Variants in TOM1L1 observed in about 807,000 individuals in gnomAD.
The protein encoded by TOM1L1 is TOM1-like protein 1.
A neutral mutation model predicts 63.4 loss-of-function variants in TOM1L1; 64 were observed. The ratio of observed to expected loss-of-function variants is 1.01; its 90% CI spans 0.83 to 1.24. The LOEUF is 1.24. Among genes scored for constraint, TOM1L1 ranks in the 50% most tolerant of loss-of-function variants. The pLI is 0.00. For synonymous variants in TOM1L1, 166 were observed against 194.4 expected (o/e 0.85, Z 1.22); for missense variants, 536 against 567.0 (o/e 0.95, Z 0.55).
At chr17:54,939,706 G>A (rs566950973) in intron 11 of TOM1L1, among the ~76,000 whole-genome samples, 16 of 152,166 alleles carry the variant, frequency 1.1e-4, no homozygotes, top group South Asian at 2.1e-4. Flanking sequence ...ACAGGTGTGC[G>A]CCACCATACT....
chr17:54,913,808 G>T lies in TOM1L1; in HGVS notation c.433G>T (p.Asp145Tyr), dbSNP rs1484800503. ...AAGCGAAGTCAAAGAAGTATACCTC[G>T]ACCTGGTTAAGAAAGGCGTTCAGTT... ...DVSEVKEVYL[D>Y]LVKKGVQFPP... The change falls in exon 5 of 16, where the codon GAC becomes TAC. Residue 145 changes from aspartate (D) to tyrosine (Y), a missense_variant. Physicochemically the swap from Asp to Tyr is radical, Grantham distance 160. Coordinates refer to ENST00000575882, the MANE Select transcript of TOM1L1 (RefSeq NM_005486.3). The T allele has an allele frequency of 1.9e-6, 3 of 1,612,040 alleles. No homozygotes were observed. In the South Asian group the frequency reaches 3.3e-5, roughly 18 times the overall value.
At chr17:54,903,962 C>T (rs1420565652) in intron 2 of TOM1L1, among the ~76,000 whole-genome samples, 170 bp downstream of exon 2, 2 of 152,220 alleles carry the variant, frequency 1.3e-5, no homozygotes, top group Non-Finnish European at 2.9e-5. Flanking sequence ...GGGGCAGCTG[C>T]TTGCTTCAAC....
chr17:54,937,480 C>T, intron 10 of TOM1L1: 1 of 453,040 alleles, frequency 2.2e-6, no homozygotes, highest in Non-Finnish European at 4.0e-6. Flanking sequence ...ACCTGGCCTG[C>T]TTTGTAGAAG....
intron 5 of TOM1L1, 57 bp from the exon 6 acceptor site, chr17:54,914,582 G>A (rs2048555551): frequency 7.1e-7 from 1 of 1,411,958 alleles, no homozygotes; most frequent in Non-Finnish European, 1.0e-6. Context: ...GAAAAAACTT[G>A]GCGTTGGGTG....
chr17:54,908,975 C>G (rs1439039343), intron 3 of TOM1L1, among the ~76,000 whole-genome samples: 1 of 152,138 alleles, frequency 6.6e-6, no homozygotes, highest in Non-Finnish European at 1.5e-5. Context: ...AACAAAATAT[C>G]AGGCTGGGTG....
intron 14 of TOM1L1, chr17:54,953,894 T>C (rs1173646486): frequency 6.6e-6 from 1 of 152,136 alleles, no homozygotes; most frequent in East Asian, 1.9e-4. Context: ...GTCATCTGGG[T>C]CCCAAGGGGT....
chr17:54,928,225 C>T (rs12952166), intron 7 of TOM1L1, among the ~76,000 whole-genome samples: 96,845 of 151,966 alleles, frequency 0.64, 31,921 homozygotes, highest in African/African-American at 0.81. Context: ...TAGTGACACC[C>T]TGTCAAGCAC....
intron 3 of TOM1L1, among the ~76,000 whole-genome samples, chr17:54,909,382 G>C (rs1308559954): frequency 1.3e-5 from 2 of 152,198 alleles, no homozygotes; most frequent in African/African-American, 4.8e-5. Flanking sequence ...AGTCACCTTG[G>C]TGTAGGCACT....
chr17:54,944,839 C>A (rs1440746113), intron 11 of TOM1L1, among the ~76,000 whole-genome samples: 1 of 151,830 alleles, frequency 6.6e-6, no homozygotes, highest in Non-Finnish European at 1.5e-5. Context: ...TCTTTTTATC[C>A]AATTTTGAAC....
rs1284439844 is a variant in TOM1L1 at position 54,938,933 on chromosome 17, T to C, written c.1043T>C (p.Leu348Pro). ...NNQLSGLNFS[L>P]PSSDVTNNLK... ...CCATTTTGTGTTTTAGATTTCAGCC[T>C]TCCAAGTTCTGATGTAACAAACAAC... is the stretch of plus-strand genomic sequence containing the variant. Residue 348 changes from leucine (L) to proline (P), a missense_variant, in exon 11 of 16, where the codon CTT becomes CCT. Coordinates refer to ENST00000575882, the MANE Select transcript of TOM1L1 (RefSeq NM_005486.3). 2 of 1,607,922 alleles carry C rather than the reference T, an allele frequency of 1.2e-6. No individual in the cohort carries two copies. The highest frequency in any genetic ancestry group is 8.5e-7 in the Non-Finnish European group (1 of 1,176,728).
At chr17:54,952,865 G>A (rs12936860) in intron 14 of TOM1L1, 31,752 of 152,160 alleles carry the variant, frequency 0.21, 3,881 homozygotes, top group Non-Finnish European at 0.27. Context: ...GAGAAATTGT[G>A]GCTCCAAACT....
intron 7 of TOM1L1, chr17:54,916,808 T>C (rs2048597790): frequency 6.6e-6 from 1 of 152,210 alleles, no homozygotes; most frequent in South Asian, 2.1e-4. Context: ...GTTTTTTCCT[T>C]GCTGCAGTAC....
At chr17:54,943,972 T>C (rs1474133289) in intron 11 of TOM1L1, among the ~76,000 whole-genome samples, 1 of 149,704 alleles carries the variant, frequency 6.7e-6, no homozygotes, top group African/African-American at 2.5e-5. Context: ...AAAGAGACTC[T>C]GTCTCAAATA....
At chr17:54,902,555 G>C (rs2048344413) in intron 1 of TOM1L1, among the ~76,000 whole-genome samples, 1 of 152,196 alleles carries the variant, frequency 6.6e-6, no homozygotes, top group Non-Finnish European at 1.5e-5. Context: ...CTCCCAAAGT[G>C]ATTGGGATTA....
At chr17:54,946,456 G>A (rs2049120464) in intron 11 of TOM1L1, among the ~76,000 whole-genome samples, 1 of 152,080 alleles carries the variant, frequency 6.6e-6, no homozygotes, top group Non-Finnish European at 1.5e-5. Context: ...AAAAGCTGTG[G>A]GTATCACAGC....
intron 10 of TOM1L1, 69 bp from the exon 11 acceptor site, chr17:54,938,853 TAC>T: frequency 1.3e-6 from 1 of 791,154 alleles, no homozygotes. Context: ...TTTTTGTTTT[TAC>T]TGTAGAAAAT....
At chr17:54,920,938 C>T (rs1001800847) in intron 7 of TOM1L1, among the ~76,000 whole-genome samples, 10 of 143,204 alleles carry the variant, frequency 7.0e-5, no homozygotes, top group African/African-American at 2.7e-4. Context: ...TTCACTCTCT[C>T]CACCAAGAAC....
At chr17:54,904,163 G>A (rs1012757597) in intron 2 of TOM1L1, among the ~76,000 whole-genome samples, 2 of 151,966 alleles carry the variant, frequency 1.3e-5, no homozygotes, top group Non-Finnish European at 2.9e-5. Context: ...GTCGGGAGAT[G>A]GAGACCATCC....
intron 7 of TOM1L1, among the ~76,000 whole-genome samples, chr17:54,919,220 A>G (rs2048641284): frequency 6.6e-6 from 1 of 152,196 alleles, no homozygotes; most frequent in Non-Finnish European, 1.5e-5. Flanking sequence ...TTTTTAACTT[A>G]TGATGTTAAC....
Sources: gnomAD v4.1 joint callset for allele counts (sites outside exome capture counted in the v4.1 genomes callset) on GRCh38, gnomAD v4.1.1 for gene constraint, MANE v1.5 for transcripts, NCBI Gene and HGNC (gene_info 2026-07-23, HGNC 2026-07-21) for gene names.